The following EXOC2 variants were observed in gnomAD, a reference collection of about 807,000 sequenced individuals.
The protein encoded by EXOC2 is SEC5-like 1.
A neutral mutation model predicts 131.8 loss-of-function variants in EXOC2; 70 were observed. The observed-to-expected ratio is 0.53, with a 90% CI of 0.44 to 0.65. The LOEUF is 0.65. EXOC2 is among the 30% of genes least tolerant of loss of function. EXOC2 has a pLI of 0.00. For synonymous variants in EXOC2, 411 were observed against 398.4 expected (o/e 1.03, Z -0.38); for missense variants, 923 against 1,108.6 (o/e 0.83, Z 2.38).
chr6:605,034 C>T (rs988391458), intron 7 of EXOC2, among the ~76,000 whole-genome samples: 7 of 152,124 alleles, frequency 4.6e-5, no homozygotes, highest in African/African-American at 1.7e-4. Context: ...CAGTTATAAT[C>T]TCTAGAAGTA....
At chr6:549,039 A>C in intron 22 of EXOC2, 136 bp downstream of exon 22, 1 of 707,830 alleles carries the variant, frequency 1.4e-6, no homozygotes, top group Non-Finnish European at 2.6e-6. Context: ...AGCAGGGTGA[A>C]GGCGGGGAAG....
chr6:683,451 C>A (rs1157513453), intron 1 of EXOC2, among the ~76,000 whole-genome samples: 1 of 152,196 alleles, frequency 6.6e-6, no homozygotes, highest in Non-Finnish European at 1.5e-5. Flanking sequence ...AACAAAGTTT[C>A]ATTTGTCTCG....
chr6:534,560 C>A (rs1766322558), intron 22 of EXOC2, among the ~76,000 whole-genome samples: 2 of 152,126 alleles, frequency 1.3e-5, no homozygotes, highest in Admixed American at 6.5e-5. Context: ...GTACTGGGAG[C>A]TGAAATCACT....
At chr6:501,680 A>ATC (rs1764209487) in intron 23 of EXOC2, among the ~76,000 whole-genome samples, 1 of 119,538 alleles carries the variant, frequency 8.4e-6, no homozygotes, top group African/African-American at 3.2e-5. Context: ...AAAGATATAT[A>ATC]TATCTATAAA....
At chr6:582,815 CACTT>C (rs953518088) in intron 11 of EXOC2, among the ~76,000 whole-genome samples, 3 of 152,104 alleles carry the variant, frequency 2.0e-5, no homozygotes, top group African/African-American at 7.2e-5. Flanking sequence ...TAAAGAGAAT[CACTT>C]AATCCAAATT....
At chr6:668,991 C>T (rs1763740264) in intron 1 of EXOC2, 1 of 152,162 alleles carries the variant, frequency 6.6e-6, no homozygotes, top group African/African-American at 2.4e-5. Flanking sequence ...TTTTTACTTA[C>T]TTGGTGCTAG....
At chr6:503,475 A>G (rs947810581) in intron 23 of EXOC2, among the ~76,000 whole-genome samples, 1 of 152,166 alleles carries the variant, frequency 6.6e-6, no homozygotes, top group East Asian at 1.9e-4. Context: ...TGTGGTATTT[A>G]TTACGCATTT....
intron 1 of EXOC2, among the ~76,000 whole-genome samples, chr6:688,783 T>A (rs1562018682): frequency 6.6e-6 from 1 of 152,218 alleles, no homozygotes; most frequent in Non-Finnish European, 1.5e-5. Flanking sequence ...TTGAGCTATC[T>A]GGCATGACTT....
At chr6:556,378 G>A in intron 18 of EXOC2, 106 bp downstream of exon 18, 1 of 1,145,636 alleles carries the variant, frequency 8.7e-7, no homozygotes, top group Admixed American at 2.0e-5. Context: ...GAACAAGCAG[G>A]CGAAGAGGGA....
intron 1 of EXOC2, among the ~76,000 whole-genome samples, chr6:683,570 AAACC>A (rs3060208): frequency 0.14 from 21,704 of 152,184 alleles, 1,693 homozygotes; most frequent in African/African-American, 0.2. Context: ...AAAGGTCAAG[AAACC>A]AACCGTCAGC....
intron 1 of EXOC2, among the ~76,000 whole-genome samples, chr6:682,097 T>C (rs919702068): frequency 1.6e-4 from 25 of 152,244 alleles, no homozygotes; most frequent in African/African-American, 4.6e-4. Context: ...GACACAGCAC[T>C]GCAGAAAAGT....
intron 20 of EXOC2, 97 bp from the exon 21 acceptor site, chr6:554,017 T>G: frequency 1.1e-6 from 1 of 936,680 alleles, no homozygotes; most frequent in Middle Eastern, 2.2e-4. Context: ...ATGAATTATA[T>G]GGAAAACATT....
At chr6:582,560 G>A (rs1448012545) in intron 11 of EXOC2, among the ~76,000 whole-genome samples, 2 of 149,614 alleles carry the variant, frequency 1.3e-5, no homozygotes, top group East Asian at 2.0e-4. Context: ...GGGAGCCTCC[G>A]CAGACGCAGG....
At chr6:626,454 A>G (rs961462962) in intron 4 of EXOC2, among the ~76,000 whole-genome samples, 1 of 152,168 alleles carries the variant, frequency 6.6e-6, no homozygotes, top group Non-Finnish European at 1.5e-5. Context: ...CACCACACGC[A>G]GGGCCCCTCA....
At chr6:580,982 A>T (rs1758859572) in intron 11 of EXOC2, among the ~76,000 whole-genome samples, 1 of 152,158 alleles carries the variant, frequency 6.6e-6, no homozygotes, top group South Asian at 2.1e-4. Context: ...CATCACAAAA[A>T]TACTAAAAGC....
In EXOC2 at chr6:502,213, C is replaced by T. The variant is rs564074749; in HGVS notation, c.2381-2513G>A. Reference sequence around the variant, plus strand: ...CTGCTATTTTCGATGCTCTAAGGAACAGAATAAAAAATTCACAGCCTCTGC... The same window carrying T: ...CTGCTATTTTCGATGCTCTAAGGAATAGAATAAAAAATTCACAGCCTCTGC... On this transcript the variant is annotated intron_variant, in intron 23 of 27. Transcript: ENST00000230449. 2.0e-4 allele frequency among the ~76,000 whole-genome samples: 30 copies of T among 152,270 alleles called. No homozygotes were observed. In the East Asian group the frequency reaches 5.6e-3, roughly 28 times the overall value.
intron 23 of EXOC2, among the ~76,000 whole-genome samples, chr6:528,634 GAA>G (rs1274588381): frequency 6.6e-6 from 1 of 151,490 alleles, no homozygotes; most frequent in Non-Finnish European, 1.5e-5. Context: ...GCTTATGAAA[GAA>G]AGTTTGTCAG....
intron 13 of EXOC2, among the ~76,000 whole-genome samples, chr6:567,317 C>G (rs1287309275): frequency 6.6e-6 from 1 of 152,232 alleles, no homozygotes; most frequent in African/African-American, 2.4e-5. Context: ...TGCTTCCCCC[C>G]ATCCTCTGTG....
intron 1 of EXOC2, among the ~76,000 whole-genome samples, chr6:690,579 T>C (rs1274404938): frequency 6.6e-6 from 1 of 152,184 alleles, no homozygotes; most frequent in East Asian, 1.9e-4. Flanking sequence ...GACGGGCGCC[T>C]GTAGTCCCAG....
Sources: allele counts gnomAD v4.1 joint callset (sites outside exome capture counted in the v4.1 genomes callset), GRCh38; gene constraint gnomAD v4.1.1; transcripts MANE v1.5; gene names NCBI Gene and HGNC (gene_info 2026-07-23, HGNC 2026-07-21).